Variants in RBM20 observed in about 807,000 individuals in gnomAD.
RBM20 encodes RNA binding motif protein 20, also known as RNA-binding protein 20.
In RBM20, 51 loss-of-function variants were observed where a neutral mutation model predicts 110.1. The ratio of observed to expected loss-of-function variants is 0.46; its 90% CI spans 0.37 to 0.59. The LOEUF is 0.59. Among genes scored for constraint, RBM20 ranks in the 20% least tolerant of loss-of-function variants. The probability of loss-of-function intolerance (pLI) is 0.00; values close to 1 mark genes in which losing one functional copy is unlikely to be tolerated. For missense variants in RBM20, 1,512 were observed against 1,574.9 expected (o/e 0.96, Z 0.68); for synonymous variants, 589 against 618.2 (o/e 0.95, Z 0.70).
chr10:110,795,136 G>A (rs1041347593), intron 5 of RBM20, among the ~76,000 whole-genome samples: 27 of 152,208 alleles, frequency 1.8e-4, no homozygotes, highest in African/African-American at 5.1e-4. Flanking sequence ...AGCCTCAGCC[G>A]TCCTTGTGAT....
chr10:110,753,733 G>A (rs1290459880), intron 1 of RBM20, among the ~76,000 whole-genome samples: 1 of 152,164 alleles, frequency 6.6e-6, no homozygotes, highest in African/African-American at 2.4e-5. Context: ...AGTTTCCCTG[G>A]GCTAAAGTCA....
At chr10:110,662,553 TC>T (rs1224561353) in intron 1 of RBM20, among the ~76,000 whole-genome samples, 2 of 152,218 alleles carry the variant, frequency 1.3e-5, no homozygotes, top group Non-Finnish European at 2.9e-5. Flanking sequence ...GTAAAACATA[TC>T]ACTTTTTGGT....
At chr10:110,806,054 C>T (rs1431825435) in intron 7 of RBM20, among the ~76,000 whole-genome samples, 2 of 152,132 alleles carry the variant, frequency 1.3e-5, no homozygotes, top group African/African-American at 4.8e-5. Context: ...GGGCGGATCA[C>T]TTGAGGTCAG....
chr10:110,710,245 C>T (rs189632328), intron 1 of RBM20, among the ~76,000 whole-genome samples: 41 of 152,278 alleles, frequency 2.7e-4, no homozygotes, highest in African/African-American at 9.6e-4. Context: ...GGTTTTCGCG[C>T]AACAAGCTGG....
In RBM20 at chr10:110,739,088, A is replaced by C. The variant is rs1424950849; in HGVS notation, c.192-41713A>C. 2.0e-5 allele frequency among the ~76,000 whole-genome samples: 3 copies of C among 152,196 alleles called. No homozygotes were observed. Among genetic ancestry groups the C allele is most frequent in the South Asian group, 2.1e-4 (1 of 4,838 alleles). ...TGGACAGTCAGGAAGTACCTGTCGCAGGTGGCATTTTCTGGCTGGGCACAG... is the reference window on the plus strand; with the variant it reads ...TGGACAGTCAGGAAGTACCTGTCGCCGGTGGCATTTTCTGGCTGGGCACAG... On this transcript the variant is annotated intron_variant, in intron 1 of 13. Coordinates refer to ENST00000369519, the MANE Select transcript of RBM20 (RefSeq NM_001134363.3). This position sits in a 1 kb window ranked among gnomAD's most constrained non-coding sequence, Gnocchi z 4.1.
chr10:110,699,297 C>A (rs1234255294), intron 1 of RBM20, among the ~76,000 whole-genome samples: 2 of 136,178 alleles, frequency 1.5e-5, no homozygotes, highest in African/African-American at 2.8e-5. Context: ...GAGTCTTACT[C>A]TTGCTCTGTC....
chr10:110,767,874 G>A (rs1314169730), intron 1 of RBM20, among the ~76,000 whole-genome samples: 2 of 152,180 alleles, frequency 1.3e-5, no homozygotes, highest in Admixed American at 6.5e-5. Flanking sequence ...GGCTCCTCAC[G>A]TCCCAGACGA....
At position 110,821,216 on chromosome 10, in the gene RBM20, T is replaced by C. The variant is rs916457932; in HGVS notation, c.2656-59T>C. On this transcript the variant is annotated intron_variant, in intron 10 of 13. Transcript: ENST00000369519. ...GAGTGGTCCTTATGGCCAAGTCTTGTGCCTTCCAGTTGAATGCTCTCAACC... is the reference window on the plus strand; with the variant it reads ...GAGTGGTCCTTATGGCCAAGTCTTGCGCCTTCCAGTTGAATGCTCTCAACC... 13 of 1,422,352 alleles carry C rather than the reference T, an allele frequency of 9.1e-6. No homozygotes were observed. In the African/African-American group the frequency reaches 1.6e-4, roughly 17 times the overall value. 88.1% of individuals were successfully genotyped at this position (1,422,352 alleles called of 1,614,324 possible).
Position 110,823,529 on chromosome 10 carries a change from G to A in RBM20, c.3366G>A (p.Glu1122=), listed in dbSNP as rs397516613. 3.9e-6 allele frequency: 6 copies of A among 1,545,650 alleles called. No homozygotes were observed. Among genetic ancestry groups the A allele is most frequent in the Non-Finnish European group, 5.2e-6 (6 of 1,145,200 alleles). ...EMKSLEVRSP[E]YTEVELKQPL... Reference sequence around the variant, plus strand: ...AATCTCTGGAGGTGAGGTCACCAGAGTACACTGAAGTGGAACTGAAACAGC... The same window carrying A: ...AATCTCTGGAGGTGAGGTCACCAGAATACACTGAAGTGGAACTGAAACAGC... The change falls in exon 12 of 14, where the codon GAG becomes GAA. Residue 1122 remains glutamate, a synonymous_variant. Transcript: ENST00000369519.
chr10:110,756,258 C>T (rs1042292855), intron 1 of RBM20, among the ~76,000 whole-genome samples: 3 of 152,168 alleles, frequency 2.0e-5, no homozygotes, highest in Non-Finnish European at 4.4e-5. Context: ...ACCTCTGATG[C>T]TATAATCAAC....
At chr10:110,824,879 G>A (rs1397319889) in intron 12 of RBM20, among the ~76,000 whole-genome samples, 1 of 152,184 alleles carries the variant, frequency 6.6e-6, no homozygotes, top group Non-Finnish European at 1.5e-5. Context: ...GTCATCTGAT[G>A]CCTGATGACC....
chr10:110,643,929 C>G (rs1174472291), upstream of RBM20, among the ~76,000 whole-genome samples: 1 of 152,142 alleles, frequency 6.6e-6, no homozygotes, highest in Non-Finnish European at 1.5e-5. Flanking sequence ...TCGGTCCGCC[C>G]GGCTTGGCAG....
chr10:110,718,073 G>A (rs563850562), intron 1 of RBM20, among the ~76,000 whole-genome samples: 9 of 152,298 alleles, frequency 5.9e-5, no homozygotes, highest in East Asian at 1.9e-4. Context: ...GAGCTAGGGC[G>A]GGGGACAGAG....
At position 110,720,939 on chromosome 10, in the gene RBM20, G is replaced by T. The variant is rs187293677; in HGVS notation, c.192-59862G>T. Among the ~76,000 whole-genome samples, 9 of 152,166 alleles carry T rather than the reference G, an allele frequency of 5.9e-5. 1 individual carries two copies. The South Asian group carries it at 1.9e-3, about 32-fold the overall frequency. On this transcript the variant is annotated intron_variant, in intron 1 of 13. Coordinates refer to ENST00000369519, the MANE Select transcript of RBM20 (RefSeq NM_001134363.3). ...TTCGTTTCCTCTCACTTCATTTCCC[G>T]TGCTCTCCCTGACATTTCTCTCACT...
Position 110,803,583 on chromosome 10 carries a change from A to G in RBM20, c.1800+3665A>G, listed in dbSNP as rs181019530. Among the ~76,000 whole-genome samples, 358 of 152,290 alleles carry G rather than the reference A, an allele frequency of 2.4e-3. 3 individuals are homozygous for G. The highest frequency in any genetic ancestry group is 5.1e-3 in the Admixed American group (78 of 15,292). On this transcript the variant is annotated intron_variant, in intron 7 of 13. Transcript: ENST00000369519. ...AGAACACTTTGAATAGAAAGGGCGC[A>G]GAACACATTATTTTCTGATCTTTAG... is the stretch of plus-strand genomic sequence containing the variant.
chr10:110,755,930 C>T (rs898148892), intron 1 of RBM20, among the ~76,000 whole-genome samples: 1 of 152,226 alleles, frequency 6.6e-6, no homozygotes, highest in Admixed American at 6.5e-5. Flanking sequence ...ACCATCCAGC[C>T]CCTTCAAGTT....
chr10:110,747,817 T>G (rs904528167), intron 1 of RBM20, among the ~76,000 whole-genome samples: 3 of 151,516 alleles, frequency 2.0e-5, no homozygotes, highest in African/African-American at 7.3e-5. Context: ...GTTTTCTTTC[T>G]GAAAGAGAAA....
In RBM20 at chr10:110,812,762, A is replaced by G. The variant is rs1324223258; in HGVS notation, c.2365A>G (p.Arg789Gly). Residue 789 changes from arginine (R) to glycine (G), a missense_variant, in exon 9 of 14, where the codon AGG becomes GGG. Arg to Gly is a moderately radical substitution (Grantham distance 125, BLOSUM62 -2). Coordinates refer to ENST00000369519, the MANE Select transcript of RBM20 (RefSeq NM_001134363.3). ...GAGGTCCAGGAGGAAAGACGAGGCC[A>G]GGCTGCGGGAAAGCAGACACCCCCA... Reference protein sequence around the residue: ...PGRSRRKDEARLRESRHPHPD... With the variant: ...PGRSRRKDEAGLRESRHPHPD... 1 of 1,551,770 alleles carries G rather than the reference A, an allele frequency of 6.4e-7. No homozygotes were observed. The highest frequency in any genetic ancestry group is 2.0e-5 in the Admixed American group (1 of 51,012).
intron 1 of RBM20, among the ~76,000 whole-genome samples, chr10:110,645,150 CAAG>C (rs1400326957): frequency 6.6e-6 from 1 of 152,174 alleles, no homozygotes; most frequent in East Asian, 1.9e-4. Flanking sequence ...AGACACTTTT[CAAG>C]AAGGCCTTTT....
Sources: gnomAD v4.1 joint callset for allele counts (sites outside exome capture counted in the v4.1 genomes callset) on GRCh38, gnomAD v4.1.1 for gene constraint, Gnocchi (gnomAD v3.1) non-coding constraint, MANE v1.5 for transcripts, NCBI Gene and HGNC (gene_info 2026-07-23, HGNC 2026-07-21) for gene names.